The following CTNNA2 variants were observed in gnomAD, a reference collection of about 807,000 sequenced individuals.
CTNNA2 encodes catenin alpha-2.
CTNNA2 carries 42 observed loss-of-function variants against 101.0 expected under a neutral mutation model. The observed-to-expected ratio is 0.42, with a 90% CI of 0.32 to 0.54. The LOEUF (loss-of-function observed/expected upper bound fraction) is 0.54. Ranked by LOEUF, CTNNA2 falls within the 20% of genes least tolerant of loss-of-function variation. The pLI is 0.14. For synonymous variants in CTNNA2, 450 were observed against 456.4 expected (o/e 0.99, Z 0.18); for missense variants, 871 against 1,223.1 (o/e 0.71, Z 4.29).
intron 12 of CTNNA2, among the ~76,000 whole-genome samples, chr2:80,571,168 T>C (rs960595518): frequency 3.9e-5 from 6 of 152,100 alleles, no homozygotes; most frequent in African/African-American, 1.4e-4. Context: ...TCGAGAAAGG[T>C]CTTCATGCAA....
chr2:80,433,138 C>G (rs1166343570), intron 9 of CTNNA2, among the ~76,000 whole-genome samples: 3 of 152,122 alleles, frequency 2.0e-5, no homozygotes, highest in Non-Finnish European at 2.9e-5. Context: ...CAAGTCTTTT[C>G]AAGTAGGTGA....
chr2:80,473,267 A>G (rs1685457518), intron 9 of CTNNA2, among the ~76,000 whole-genome samples: 1 of 152,180 alleles, frequency 6.6e-6, no homozygotes, highest in African/African-American at 2.4e-5. Context: ...AGAGGAGCCA[A>G]AGGCTACAGG....
chr2:79,694,134 GT>G (rs145912199), intron 2 of CTNNA2, among the ~76,000 whole-genome samples: 1 of 151,806 alleles, frequency 6.6e-6, no homozygotes, highest in Non-Finnish European at 1.5e-5. Context: ...CAAACTTAAT[GT>G]TTTTTTATAG....
chr2:80,234,339 A>G (rs1709426531), intron 7 of CTNNA2, among the ~76,000 whole-genome samples: 1 of 152,242 alleles, frequency 6.6e-6, no homozygotes, highest in South Asian at 2.1e-4. Flanking sequence ...GAAATATTGC[A>G]TATAGAGGAA....
chr2:80,095,851 C>T (rs1225988811), intron 7 of CTNNA2, among the ~76,000 whole-genome samples: 1 of 151,894 alleles, frequency 6.6e-6, no homozygotes, highest in East Asian at 1.9e-4. Flanking sequence ...GTGGTGATAT[C>T]CCCTTTATCA....
At chr2:79,253,028 T>G (rs952583287) in intron 2 of CTNNA2, among the ~76,000 whole-genome samples, 1 of 152,226 alleles carries the variant, frequency 6.6e-6, no homozygotes, top group Non-Finnish European at 1.5e-5. Flanking sequence ...GCCACTGTCA[T>G]GGAAGCATAT....
At chr2:80,211,798 T>A (rs1707909792) in intron 7 of CTNNA2, among the ~76,000 whole-genome samples, 1 of 152,182 alleles carries the variant, frequency 6.6e-6, no homozygotes, top group Admixed American at 6.5e-5. Context: ...AATCTATAAA[T>A]TACCTTGAGA....
At chr2:79,561,361 A>G (rs1385563274) in intron 1 of CTNNA2, among the ~76,000 whole-genome samples, 1 of 151,866 alleles carries the variant, frequency 6.6e-6, no homozygotes, top group East Asian at 1.9e-4. Context: ...CTTTTTGTCA[A>G]TCATGAATAA....
At chr2:79,428,740 A>C (rs1558664677) in intron 4 of CTNNA2, among the ~76,000 whole-genome samples, 1 of 152,150 alleles carries the variant, frequency 6.6e-6, no homozygotes, top group Non-Finnish European at 1.5e-5. Flanking sequence ...ATATCCAATA[A>C]ATCTGTTTTT....
intron 7 of CTNNA2, among the ~76,000 whole-genome samples, chr2:80,097,240 G>T (rs1337996307): frequency 6.6e-6 from 1 of 152,138 alleles, no homozygotes; most frequent in Non-Finnish European, 1.5e-5. Context: ...TGTCTGTGAA[G>T]TATTTTATTT....
chr2:79,220,248 A>G (rs183878157), intron 2 of CTNNA2, among the ~76,000 whole-genome samples: 4 of 152,176 alleles, frequency 2.6e-5, no homozygotes, highest in Non-Finnish European at 2.9e-5. Flanking sequence ...GAGTGATTCA[A>G]AGGGTGGGAA....
At position 79,784,759 on chromosome 2, in the gene CTNNA2, A is replaced by AAT. The variant is rs141251255; in HGVS notation, c.298+40195_298+40196dup. Among the ~76,000 whole-genome samples the AAT allele has an allele frequency of 2.0e-3, 301 of 149,190 alleles. 1 individual carries two copies. Among genetic ancestry groups the AAT allele is most frequent in the East Asian group, 4.3e-3 (22 of 5,084 alleles). On this transcript the variant is annotated intron_variant, in intron 3 of 18. Coordinates refer to ENST00000402739, the MANE Select transcript of CTNNA2 (RefSeq NM_001282597.3). ...TGGCATATCATGTAGCAGAGAATGAAATATATATATATATATATAAAAACA... is the reference window on the plus strand; with the variant it reads ...TGGCATATCATGTAGCAGAGAATGAAATATATATATATATATATATAAAAACA...
chr2:79,789,995 A>G (rs1369308518), intron 3 of CTNNA2, among the ~76,000 whole-genome samples: 1 of 152,150 alleles, frequency 6.6e-6, no homozygotes, highest in Non-Finnish European at 1.5e-5. Flanking sequence ...AATTAGAAAA[A>G]CAGATCATAT....
intron 8 of CTNNA2, among the ~76,000 whole-genome samples, 197 bp downstream of exon 8, chr2:80,393,488 C>T (rs552154830): frequency 6.6e-6 from 1 of 152,298 alleles, no homozygotes; most frequent in African/African-American, 2.4e-5. Context: ...AGCAAGGAGA[C>T]AGTTCCTGAG....
At chr2:79,560,015 T>C (rs2104120732) in intron 1 of CTNNA2, among the ~76,000 whole-genome samples, 1 of 151,892 alleles carries the variant, frequency 6.6e-6, no homozygotes, top group Non-Finnish European at 1.5e-5. Flanking sequence ...ATATTTAACA[T>C]CTCTAGCGCC....
intron 11 of CTNNA2, among the ~76,000 whole-genome samples, chr2:80,546,706 A>G (rs920962662): frequency 1.3e-5 from 2 of 152,234 alleles, no homozygotes; most frequent in African/African-American, 4.8e-5. Flanking sequence ...CTGCAGAGAC[A>G]GTCTGACCTT....
chr2:79,222,372 A>G (rs147179252), intron 2 of CTNNA2, among the ~76,000 whole-genome samples: 27 of 152,290 alleles, frequency 1.8e-4, no homozygotes, highest in Middle Eastern at 3.4e-3. Flanking sequence ...CTTCTGCAGG[A>G]ATCTGGTTCA....
At chr2:79,848,213 C>T (rs1680394801) in intron 3 of CTNNA2, among the ~76,000 whole-genome samples, 2 of 152,076 alleles carry the variant, frequency 1.3e-5, no homozygotes, top group African/African-American at 4.8e-5. Context: ...GATATAGTGT[C>T]CTTATTTCAG....
chr2:80,296,553 T>A (rs1266662191), intron 7 of CTNNA2, among the ~76,000 whole-genome samples: 3 of 152,232 alleles, frequency 2.0e-5, no homozygotes, highest in African/African-American at 7.2e-5. Context: ...TAATTTAGAT[T>A]TCCAGTTACC....
Sources: allele counts gnomAD v4.1 joint callset (sites outside exome capture counted in the v4.1 genomes callset), GRCh38; gene constraint gnomAD v4.1.1; transcripts MANE v1.5; gene names NCBI Gene and HGNC (gene_info 2026-07-23, HGNC 2026-07-21).